Variants in RARB observed in about 807,000 individuals in gnomAD.
RARB encodes retinoic acid receptor beta, also known as HBV-activated protein.
In RARB, 17 loss-of-function variants were observed where a neutral mutation model predicts 51.9. The ratio of observed to expected loss-of-function variants is 0.33; its 90% CI spans 0.22 to 0.49. The LOEUF is 0.49. Among genes scored for constraint, RARB ranks in the 20% least tolerant of loss-of-function variants. RARB has a pLI of 0.99. For synonymous variants in RARB, 215 were observed against 195.4 expected, an observed-to-expected ratio of 1.10 and a Z score of -0.84; for missense variants, 369 against 550.8, an observed-to-expected ratio of 0.67 and a Z score of 3.30.
chr3:25,261,464 A>G (rs1475635074), intron 5 of RARB, among the ~76,000 whole-genome samples: 1 of 152,096 alleles, frequency 6.6e-6, no homozygotes, highest in Non-Finnish European at 1.5e-5. Flanking sequence ...TTTTCAGCCT[A>G]TCACTCTTCT....
chr3:25,431,078 G>T (rs995073590), intron 1 of RARB, among the ~76,000 whole-genome samples: 2 of 146,236 alleles, frequency 1.4e-5, no homozygotes, highest in Admixed American at 7.0e-5. Context: ...TAGGGCTATT[G>T]AAATAAAAGT....
intron 2 of RARB, among the ~76,000 whole-genome samples, chr3:25,017,497 T>C (rs1697538749): frequency 6.6e-6 from 1 of 152,162 alleles, no homozygotes; most frequent in African/African-American, 2.4e-5. Flanking sequence ...CATTGGCTTA[T>C]CTGGTGCATT....
chr3:25,462,999 G>T (rs776109346), intron 2 of RARB, among the ~76,000 whole-genome samples: 2 of 152,146 alleles, frequency 1.3e-5, no homozygotes, highest in Non-Finnish European at 2.9e-5. Context: ...CTCAACTTTT[G>T]TTCTTCTTTT....
intron 3 of RARB, among the ~76,000 whole-genome samples, chr3:25,510,880 A>T (rs1160537090): frequency 6.6e-6 from 1 of 152,210 alleles, no homozygotes; most frequent in Non-Finnish European, 1.5e-5. Context: ...ATCTCTGCTA[A>T]TCTGTCTTTT....
intron 5 of RARB, among the ~76,000 whole-genome samples, chr3:25,194,812 C>A (rs1481453895): frequency 1.3e-5 from 2 of 151,866 alleles, no homozygotes; most frequent in Admixed American, 6.6e-5. Context: ...TTGTTAATTT[C>A]TGTGAACCCC....
intron 2 of RARB, among the ~76,000 whole-genome samples, chr3:25,494,253 G>GCACGCGCGCGCACTCACACACACA (rs1553623182): frequency 0.13 from 17,638 of 131,808 alleles, 1,304 homozygotes; most frequent in African/African-American, 0.2. Context: ...TGTATCTTAC[G>GCACGCGCGCGCACTCACACACACA]CACACACACA....
intron 2 of RARB, among the ~76,000 whole-genome samples, chr3:25,049,011 C>G (rs1698274372): frequency 2.0e-5 from 3 of 152,140 alleles, no homozygotes; most frequent in Admixed American, 6.5e-5. Context: ...CTCGGCCTCC[C>G]AGAGTGCTGG....
intron 2 of RARB, among the ~76,000 whole-genome samples, chr3:25,500,030 C>T (rs1411253675): frequency 1.3e-5 from 2 of 152,308 alleles, no homozygotes; most frequent in East Asian, 3.9e-4. Flanking sequence ...TGTTAGATGA[C>T]ACTTCGATGG....
At chr3:24,857,038 C>G (rs1168051903) in intron 1 of RARB, among the ~76,000 whole-genome samples, 1 of 152,206 alleles carries the variant, frequency 6.6e-6, no homozygotes, top group Non-Finnish European at 1.5e-5. Context: ...TGGTCCATGA[C>G]TGGAGCTGGA....
At chr3:25,436,280 A>G (rs539617009) in intron 1 of RARB, among the ~76,000 whole-genome samples, 23 of 152,260 alleles carry the variant, frequency 1.5e-4, no homozygotes, top group African/African-American at 5.1e-4. Context: ...CCCATTTCAC[A>G]TGATTCATCC....
intron 3 of RARB, among the ~76,000 whole-genome samples, chr3:25,076,979 T>C (rs73034759): frequency 1.7e-4 from 26 of 152,310 alleles, no homozygotes; most frequent in South Asian, 4.1e-4. Context: ...TCAGGTCTCT[T>C]TTTTGTTTTC....
At chr3:25,243,413 T>TATGCCC (rs1398616904) in intron 5 of RARB, among the ~76,000 whole-genome samples, 4 of 152,198 alleles carry the variant, frequency 2.6e-5, no homozygotes, top group African/African-American at 9.7e-5. Context: ...GGTTCCAGCT[T>TATGCCC]ATGCCCATTC....
At chr3:25,572,809 CT>C (rs1700757861) in intron 4 of RARB, among the ~76,000 whole-genome samples, 1 of 152,142 alleles carries the variant, frequency 6.6e-6, no homozygotes, top group Non-Finnish European at 1.5e-5. Context: ...CAGGGTCCCC[CT>C]CCGCCTCCTC....
chr3:25,458,157 T>G (rs1400732434), intron 1 of RARB, among the ~76,000 whole-genome samples: 1 of 152,216 alleles, frequency 6.6e-6, no homozygotes, highest in African/African-American at 2.4e-5. Flanking sequence ...AGTAATGTAT[T>G]TGAAGGAAAT....
chr3:25,295,846 G>T (rs1437935012), intron 5 of RARB, among the ~76,000 whole-genome samples: 1 of 152,178 alleles, frequency 6.6e-6, no homozygotes, highest in Non-Finnish European at 1.5e-5. Flanking sequence ...TTGAGAACAA[G>T]TTCCATGACC....
intron 5 of RARB, among the ~76,000 whole-genome samples, chr3:25,396,543 G>A (rs1044972816): frequency 1.3e-5 from 2 of 152,182 alleles, no homozygotes; most frequent in African/African-American, 4.8e-5. Flanking sequence ...ATACAAGCTT[G>A]CCCTAAGGTT....
intron 5 of RARB, among the ~76,000 whole-genome samples, chr3:25,271,904 C>T (rs1248029005): frequency 4.6e-5 from 7 of 152,244 alleles, no homozygotes; most frequent in African/African-American, 1.4e-4. Context: ...AAATACTTAT[C>T]TTTGTCCTTT....
At chr3:25,071,588 G>A (rs1162689427) in intron 3 of RARB, among the ~76,000 whole-genome samples, 1 of 152,142 alleles carries the variant, frequency 6.6e-6, no homozygotes, top group African/African-American at 2.4e-5. Context: ...TTCCTGTCTA[G>A]ACCACAAGGT....
At chr3:25,252,197 A>G (rs1312289048) in intron 5 of RARB, among the ~76,000 whole-genome samples, 1 of 152,170 alleles carries the variant, frequency 6.6e-6, no homozygotes, top group East Asian at 1.9e-4. Context: ...TGGACTACAC[A>G]TCTATTTCTT....
Sources: allele counts gnomAD v4.1 joint callset (sites outside exome capture counted in the v4.1 genomes callset), GRCh38; gene constraint gnomAD v4.1.1; transcripts MANE v1.5; gene names NCBI Gene and HGNC (gene_info 2026-07-23, HGNC 2026-07-21).